Variants in ALK observed in about 807,000 individuals in gnomAD.
ALK encodes ALK tyrosine kinase receptor.
ALK carries 74 observed loss-of-function variants against 163.1 expected under a neutral mutation model. The ratio of observed to expected loss-of-function variants is 0.45; its 90% CI spans 0.38 to 0.55. ALK has a LOEUF of 0.55. ALK is among the 20% of genes least tolerant of loss of function. The probability of loss-of-function intolerance (pLI) is 0.00; values close to 1 mark genes in which losing one functional copy is unlikely to be tolerated. For missense variants in ALK, 2,063 were observed against 2,105.3 expected (o/e 0.98, Z 0.39); for synonymous variants, 960 against 843.2 (o/e 1.14, Z -2.40).
intron 1 of ALK, among the ~76,000 whole-genome samples, chr2:29,730,417 TA>T (rs1679708568): frequency 6.6e-6 from 1 of 151,704 alleles, no homozygotes; most frequent in Non-Finnish European, 1.5e-5. Flanking sequence ...TTGGAAAGGC[TA>T]AAAAAAAGTG....
rs56225959 is a variant in ALK at position 29,316,248 on chromosome 2, C to T, written c.1647+2056G>A. 6.8e-3 allele frequency among the ~76,000 whole-genome samples: 1,035 copies of T among 152,006 alleles called. 24 individuals carry two copies. Among genetic ancestry groups the T allele is most frequent in the African/African-American group, 0.023 (956 of 41,418 alleles). ...CTCCCAACATTGGGAATTCAAAGAC[C>T]CATCAGCATTAGACAAATGGTCTGA... On this transcript the variant is annotated intron_variant, in intron 8 of 28. Coordinates refer to ENST00000389048, the MANE Select transcript of ALK (RefSeq NM_004304.5).
intron 13 of ALK, among the ~76,000 whole-genome samples, chr2:29,239,247 G>A (rs1664458974): frequency 6.6e-6 from 1 of 152,184 alleles, no homozygotes; most frequent in South Asian, 2.1e-4. Context: ...TTTTGTGGAA[G>A]TAAACTGCTT....
At chr2:29,229,492 G>GACTC (rs1664128120) in intron 15 of ALK, among the ~76,000 whole-genome samples, 1 of 152,142 alleles carries the variant, frequency 6.6e-6, no homozygotes, top group African/African-American at 2.4e-5. Flanking sequence ...CGAGAAAAGG[G>GACTC]ACTCACCAGT....
At chr2:29,704,864 G>T (rs1220483066) in intron 2 of ALK, among the ~76,000 whole-genome samples, 1 of 152,060 alleles carries the variant, frequency 6.6e-6, no homozygotes, top group Non-Finnish European at 1.5e-5. Flanking sequence ...TTGTGCTTGG[G>T]GCAATTCATT....
At chr2:29,379,015 C>A (rs886576250) in intron 5 of ALK, among the ~76,000 whole-genome samples, 2 of 152,186 alleles carry the variant, frequency 1.3e-5, no homozygotes, top group Non-Finnish European at 2.9e-5. Flanking sequence ...GCCTGGCACA[C>A]TGGTCCTTTT....
At chr2:29,798,221 T>G (rs1425861877) in intron 1 of ALK, among the ~76,000 whole-genome samples, 3 of 152,242 alleles carry the variant, frequency 2.0e-5, no homozygotes, top group African/African-American at 4.8e-5. Context: ...CCAAAGCCTC[T>G]CTTTGTGTGT....
intron 4 of ALK, among the ~76,000 whole-genome samples, chr2:29,408,856 G>T (rs1220616853): frequency 6.6e-6 from 1 of 152,200 alleles, no homozygotes; most frequent in Non-Finnish European, 1.5e-5. Flanking sequence ...CCAGGCTTGA[G>T]AATGCTCAGG....
chr2:29,639,113 C>G (rs908766742), intron 3 of ALK, among the ~76,000 whole-genome samples: 5 of 152,158 alleles, frequency 3.3e-5, no homozygotes, highest in Non-Finnish European at 7.3e-5. Flanking sequence ...AGACCTCATG[C>G]CAGCAGAAAT....
intron 5 of ALK, among the ~76,000 whole-genome samples, chr2:29,353,115 C>T (rs996325846): frequency 2.4e-4 from 37 of 152,210 alleles, no homozygotes; most frequent in African/African-American, 8.0e-4. Context: ...TGAACCTCCT[C>T]AAATTGCTCC....
At chr2:29,305,711 G>C (rs1666490751) in intron 8 of ALK, among the ~76,000 whole-genome samples, 1 of 152,154 alleles carries the variant, frequency 6.6e-6, no homozygotes. Context: ...TACAGCAGAG[G>C]TCCTCAACCT....
chr2:29,241,043 T>C (rs1156497842), intron 12 of ALK, among the ~76,000 whole-genome samples: 2 of 152,290 alleles, frequency 1.3e-5, no homozygotes, highest in East Asian at 1.9e-4. Flanking sequence ...TTTGCGAACA[T>C]GGCAGGCAAG....
In ALK at chr2:29,849,084, C is replaced by T. The variant is rs564621845; in HGVS notation, c.667+70909G>A. Among the ~76,000 whole-genome samples the T allele has an allele frequency of 1.9e-4, 29 of 152,198 alleles. 1 individual carries two copies. Among genetic ancestry groups the T allele is most frequent in the African/African-American group, 6.5e-4 (27 of 41,534 alleles). The stretch of plus-strand genomic sequence containing the variant: ...ACACCAGGAGCGTCCTCGAGCTGCC[C>T]CCCATCTCACAGGACCCGCCTGCTC... On this transcript the variant is annotated intron_variant, in intron 1 of 28. Coordinates refer to ENST00000389048, the MANE Select transcript of ALK (RefSeq NM_004304.5).
chr2:29,515,120 T>C (rs1156792923), intron 4 of ALK, among the ~76,000 whole-genome samples: 1 of 152,158 alleles, frequency 6.6e-6, no homozygotes, highest in Non-Finnish European at 1.5e-5. Flanking sequence ...GTCCTTCATA[T>C]GCTGTTCCCA....
intron 3 of ALK, among the ~76,000 whole-genome samples, chr2:29,642,203 A>G (rs1181169587): frequency 6.6e-6 from 1 of 152,180 alleles, no homozygotes; most frequent in East Asian, 1.9e-4. Context: ...ATTTGGAGGA[A>G]CATTAAAATT....
chr2:29,722,201 G>A (rs750249963), intron 1 of ALK, among the ~76,000 whole-genome samples: 49 of 152,248 alleles, frequency 3.2e-4, no homozygotes, highest in African/African-American at 9.4e-4. Context: ...CTCCTTTTCC[G>A]GCAGCACTTG....
intron 3 of ALK, among the ~76,000 whole-genome samples, chr2:29,678,200 G>T (rs944260455): frequency 1.3e-5 from 2 of 151,798 alleles, no homozygotes; most frequent in African/African-American, 2.4e-5. Context: ...TCTTTTACTT[G>T]ATTAATCTGA....
At chr2:29,430,970 A>C (rs1017067997) in intron 4 of ALK, among the ~76,000 whole-genome samples, 6 of 151,108 alleles carry the variant, frequency 4.0e-5, no homozygotes, top group Non-Finnish European at 5.9e-5. Flanking sequence ...GAGGACAAAG[A>C]GGCTGCACTA....
chr2:29,622,944 C>T (rs576987004), intron 3 of ALK, among the ~76,000 whole-genome samples: 14 of 152,288 alleles, frequency 9.2e-5, no homozygotes, highest in African/African-American at 2.4e-4. Context: ...TCCTCTAGAA[C>T]GTGGCAGAAC....
rs761248753 is a variant in ALK at position 29,228,835 on chromosome 2, T to TA, written c.2815+48dup. ...GGGCAGGGCAGGGAGGTGAGGAGCC[T>TA]AGGACTAAGCAGGGAGGGAGTGACA... On this transcript the variant is annotated intron_variant, in intron 16 of 28. Coordinates refer to ENST00000389048, the MANE Select transcript of ALK (RefSeq NM_004304.5). The TA allele has an allele frequency of 8.7e-6, 11 of 1,263,350 alleles. No homozygotes were observed. In the East Asian group the frequency reaches 2.1e-4, roughly 24 times the overall value. The allele number at this position is 1,263,350 out of a possible 1,614,324, so 78.3% of individuals were successfully genotyped here. A position where few individuals can be genotyped will look rare whatever the true frequency, so the allele number is the denominator to read the frequency against.
Sources: allele counts gnomAD v4.1 joint callset (sites outside exome capture counted in the v4.1 genomes callset), GRCh38; gene constraint gnomAD v4.1.1; transcripts MANE v1.5; gene names NCBI Gene and HGNC (gene_info 2026-07-23, HGNC 2026-07-21).